L3MBTL4: variants seen among roughly 807,000 people sequenced by gnomAD.
The protein encoded by L3MBTL4 is lethal(3)malignant brain tumor-like protein 4.
In L3MBTL4, 70 loss-of-function variants were observed where a neutral mutation model predicts 84.5. That is an observed-to-expected ratio of 0.83 (90% CI 0.68 to 1.01). The LOEUF (loss-of-function observed/expected upper bound fraction) is 1.01. Ranked by LOEUF, L3MBTL4 falls within the 50% of genes least tolerant of loss-of-function variation. The pLI, the probability that L3MBTL4 is intolerant of heterozygous loss-of-function variation, is 0.00. For synonymous variants in L3MBTL4, 274 were observed against 259.8 expected, an observed-to-expected ratio of 1.05 and a Z score of -0.52; for missense variants, 715 against 754.8, an observed-to-expected ratio of 0.95 and a Z score of 0.62.
At chr18:6,006,224 A>C (rs114048632) in intron 16 of L3MBTL4, among the ~76,000 whole-genome samples, 1,972 of 152,330 alleles carry the variant, frequency 0.013, 25 homozygotes, top group Middle Eastern at 0.071. Flanking sequence ...GATGCCGAAC[A>C]CTGAGTATGT....
intron 1 of L3MBTL4, among the ~76,000 whole-genome samples, chr18:6,382,434 T>A (rs1422725498): frequency 6.6e-6 from 1 of 152,194 alleles, no homozygotes; most frequent in African/African-American, 2.4e-5. Context: ...ATTTTCAGCC[T>A]TTTTGCGCTG....
chr18:6,079,901 A>G (rs2058012692), intron 16 of L3MBTL4: 2 of 152,226 alleles, frequency 1.3e-5, no homozygotes, highest in African/African-American at 4.8e-5. Context: ...TAGCTGCACA[A>G]TGAATCCAAA....
chr18:6,339,039 C>T (rs924873954), intron 1 of L3MBTL4, among the ~76,000 whole-genome samples: 8 of 152,044 alleles, frequency 5.3e-5, no homozygotes, highest in Non-Finnish European at 1.2e-4. Flanking sequence ...GAGAAATGAA[C>T]AAACCCACAA....
At chr18:6,285,404 G>A (rs763722651) in intron 4 of L3MBTL4, among the ~76,000 whole-genome samples, 1 of 152,188 alleles carries the variant, frequency 6.6e-6, no homozygotes, top group Non-Finnish European at 1.5e-5. Context: ...GACTGGAATT[G>A]GAGGTATCAC....
At chr18:6,348,227 AC>A (rs2053012595) in intron 1 of L3MBTL4, among the ~76,000 whole-genome samples, 1 of 152,194 alleles carries the variant, frequency 6.6e-6, no homozygotes, top group Non-Finnish European at 1.5e-5. Flanking sequence ...GCCCAAACTG[AC>A]CTGCTAAAAA....
At chr18:6,236,322 G>A (rs2047214245) in intron 10 of L3MBTL4, among the ~76,000 whole-genome samples, 1 of 152,094 alleles carries the variant, frequency 6.6e-6, no homozygotes, top group South Asian at 2.1e-4. Context: ...GTGACAATAG[G>A]GAAATAATAG....
chr18:6,295,975 A>T (rs1373994369), intron 4 of L3MBTL4, among the ~76,000 whole-genome samples: 1 of 152,200 alleles, frequency 6.6e-6, no homozygotes, highest in South Asian at 2.1e-4. Flanking sequence ...AATAAAGTAA[A>T]ACTGATTTGG....
intron 1 of L3MBTL4, among the ~76,000 whole-genome samples, chr18:6,406,777 A>G (rs755942305): frequency 1.4e-4 from 22 of 152,042 alleles, no homozygotes; most frequent in Admixed American, 1.0e-3. Context: ...TTATTTTTAA[A>G]CTCCCTAAAA....
At chr18:6,131,488 C>T (rs1159406091) in intron 14 of L3MBTL4, among the ~76,000 whole-genome samples, 1 of 152,072 alleles carries the variant, frequency 6.6e-6, no homozygotes, top group Admixed American at 6.5e-5. Context: ...AATGATGCCT[C>T]TCTGGTAAAG....
At chr18:6,001,873 A>G (rs1598405031) in intron 16 of L3MBTL4, among the ~76,000 whole-genome samples, 1 of 152,288 alleles carries the variant, frequency 6.6e-6, no homozygotes, top group South Asian at 2.1e-4. Context: ...CACAGAGACA[A>G]TTTGGAGAAA....
At chr18:6,237,331 A>C (rs2047254026) in intron 10 of L3MBTL4, among the ~76,000 whole-genome samples, 1 of 151,186 alleles carries the variant, frequency 6.6e-6, no homozygotes, top group Admixed American at 6.6e-5. Context: ...AATTGTTATT[A>C]GATAAATTAT....
At chr18:6,031,344 G>A (rs1319381614) in intron 16 of L3MBTL4, 3 of 985,312 alleles carry the variant, frequency 3.0e-6, no homozygotes, top group Non-Finnish European at 3.6e-6. Flanking sequence ...GAAGATAAAT[G>A]CCTTCCTTCA....
At chr18:6,303,126 GT>G (rs932048007) in intron 3 of L3MBTL4, among the ~76,000 whole-genome samples, 2 of 151,926 alleles carry the variant, frequency 1.3e-5, no homozygotes, top group Admixed American at 6.6e-5. Context: ...GTTTTTTGGG[GT>G]TTTTTTGTCT....
chr18:6,382,989 T>G (rs946230319), intron 1 of L3MBTL4, among the ~76,000 whole-genome samples: 2 of 151,302 alleles, frequency 1.3e-5, no homozygotes. Context: ...GGGCTTTGCG[T>G]TTTTTTTCAG....
intron 1 of L3MBTL4, among the ~76,000 whole-genome samples, chr18:6,352,719 C>A (rs566275658): frequency 2.9e-4 from 44 of 152,266 alleles, no homozygotes; most frequent in African/African-American, 1.1e-3. Context: ...GATGCTATAT[C>A]ATGACCATAC....
intron 4 of L3MBTL4, among the ~76,000 whole-genome samples, chr18:6,277,493 T>G (rs1295431900): frequency 1.3e-5 from 2 of 152,212 alleles, no homozygotes; most frequent in Non-Finnish European, 2.9e-5. Context: ...AGATTCCTGT[T>G]TCTATTACTA....
At chr18:6,037,423 C>T (rs638892) in intron 16 of L3MBTL4, among the ~76,000 whole-genome samples, 5,869 of 152,266 alleles carry the variant, frequency 0.039, 366 homozygotes, top group African/African-American at 0.13. Flanking sequence ...ACAGATTCTG[C>T]CAGTGCAGTT....
Position 6,123,556 on chromosome 18 carries a change from C to G in L3MBTL4, c.1199+14638G>C, listed in dbSNP as rs757829113. On this transcript the variant is annotated intron_variant, in intron 14 of 18. Transcript: ENST00000317931. ...GCCTTTGCTACTCCTTCGCCTTCCA[C>G]CATGATTGTGAGGCCTCCCCAGCCA... Among the ~76,000 whole-genome samples the G allele has an allele frequency of 3.3e-5, 5 of 152,316 alleles. No homozygotes were observed. In the East Asian group the frequency reaches 7.7e-4, roughly 23 times the overall value.
chr18:6,252,988 G>T (rs2047990351), intron 5 of L3MBTL4, among the ~76,000 whole-genome samples: 2 of 152,170 alleles, frequency 1.3e-5, no homozygotes, highest in Admixed American at 1.3e-4. Context: ...CAGATCATGA[G>T]GTCAAGAGAT....
Sources: gnomAD v4.1 joint callset for allele counts (sites outside exome capture counted in the v4.1 genomes callset) on GRCh38, gnomAD v4.1.1 for gene constraint, MANE v1.5 for transcripts, NCBI Gene and HGNC (gene_info 2026-07-23, HGNC 2026-07-21) for gene names.